The following MYCBP2 variants were observed in gnomAD, a reference collection of about 807,000 sequenced individuals.
MYCBP2 encodes E3 ubiquitin-protein ligase MYCBP2.
A neutral mutation model predicts 525.3 loss-of-function variants in MYCBP2; 120 were observed. The ratio of observed to expected loss-of-function variants is 0.23; its 90% CI spans 0.20 to 0.27. The LOEUF is 0.27. Ranked by LOEUF, MYCBP2 falls within the 10% of genes least tolerant of loss-of-function variation. MYCBP2 has a pLI of 1.00. For missense variants in MYCBP2, 4,149 were observed against 5,657.1 expected (o/e 0.73, Z 8.55); for synonymous variants, 1,894 against 1,955.8 (o/e 0.97, Z 0.83).
At chr13:77,314,311 A>C (rs1445071256) in intron 1 of MYCBP2, among the ~76,000 whole-genome samples, 1 of 152,230 alleles carries the variant, frequency 6.6e-6, no homozygotes, top group Non-Finnish European at 1.5e-5. Flanking sequence ...ACCTGCACAC[A>C]GATGTTTAGA....
intron 47 of MYCBP2, among the ~76,000 whole-genome samples, chr13:77,146,581 T>C (rs374719205): frequency 6.6e-6 from 1 of 151,954 alleles, no homozygotes. Context: ...CCATAACATA[T>C]AGAGAATAAA....
intron 17 of MYCBP2, among the ~76,000 whole-genome samples, chr13:77,233,870 G>A (rs1016318132): frequency 1.6e-4 from 24 of 146,404 alleles, no homozygotes; most frequent in African/African-American, 5.7e-4. Context: ...CAGAGAGAGA[G>A]AGAGAACGAG....
chr13:77,139,812 T>C (rs1026492875), intron 51 of MYCBP2, among the ~76,000 whole-genome samples: 2 of 152,228 alleles, frequency 1.3e-5, no homozygotes, highest in African/African-American at 2.4e-5. Context: ...AGGTTCTGAA[T>C]ACTATGTCGA....
chr13:77,212,078 T>C lies in MYCBP2; in HGVS notation c.3140A>G (p.Tyr1047Cys), dbSNP rs2064092670. Residue 1047 changes from tyrosine (Y) to cysteine (C), a missense_variant, in exon 22 of 83, where the codon TAT (tyrosine) becomes TGT (cysteine). Tyr to Cys is a radical substitution (Grantham distance 194). Coordinates refer to ENST00000544440, the MANE Select transcript of MYCBP2 (RefSeq NM_015057.5). Reference sequence around the variant, plus strand: ...ACCTATCCAAGTAGCTTTTCTTCCATATTTTGATCCAATGTTAGGCATGGG... The same window carrying C: ...ACCTATCCAAGTAGCTTTTCTTCCACATTTTGATCCAATGTTAGGCATGGG... ...PAPMPNIGSK[Y>C]GRKATWIGAS... 4.3e-6 allele frequency: 7 copies of C among 1,614,138 alleles called. No individual in the cohort carries two copies. The highest frequency in any genetic ancestry group is 5.9e-6 in the Non-Finnish European group (7 of 1,179,974).
At chr13:77,264,029 T>C (rs1289564170) in intron 8 of MYCBP2, 27 bp from the exon 9 acceptor site, 3 of 1,589,160 alleles carry the variant, frequency 1.9e-6, no homozygotes, top group Non-Finnish European at 2.6e-6. Context: ...GTATTTATAT[T>C]ACAATACAAG....
At chr13:77,163,174 A>C (rs2058141989) in intron 43 of MYCBP2, among the ~76,000 whole-genome samples, 1 of 152,184 alleles carries the variant, frequency 6.6e-6, no homozygotes, top group South Asian at 2.1e-4. Context: ...TGCTATATTA[A>C]TCCACCCTTC....
At chr13:77,249,337 C>G (rs892368876) in intron 15 of MYCBP2, among the ~76,000 whole-genome samples, 1 of 152,034 alleles carries the variant, frequency 6.6e-6, no homozygotes, top group Non-Finnish European at 1.5e-5. Flanking sequence ...GCTTAATAGT[C>G]CTTAATATTC....
chr13:77,310,785 T>TGC (rs1158149941), intron 1 of MYCBP2, among the ~76,000 whole-genome samples: 1 of 90,164 alleles, frequency 1.1e-5, no homozygotes, highest in Non-Finnish European at 3.1e-5. Flanking sequence ...TGCGTGCGCA[T>TGC]GCACACACAC....
intron 26 of MYCBP2, among the ~76,000 whole-genome samples, chr13:77,196,891 C>T (rs1158551168): frequency 6.6e-6 from 1 of 152,102 alleles, no homozygotes; most frequent in Non-Finnish European, 1.5e-5. Flanking sequence ...GGCTGGACCA[C>T]TATGAGGAAG....
chr13:77,156,821 A>G (rs1445859318), intron 45 of MYCBP2, among the ~76,000 whole-genome samples: 3 of 152,256 alleles, frequency 2.0e-5, no homozygotes, highest in Non-Finnish European at 4.4e-5. Flanking sequence ...AGTAATAAGT[A>G]ATTCTACCAT....
intron 1 of MYCBP2, among the ~76,000 whole-genome samples, chr13:77,320,709 G>A (rs1219250579): frequency 6.6e-6 from 1 of 152,098 alleles, no homozygotes; most frequent in Non-Finnish European, 1.5e-5. Flanking sequence ...ATTAAATAGT[G>A]AGACAACCTC....
rs533946929 is a variant in MYCBP2 at position 77,078,836 on chromosome 13, G to A, written c.11472C>T (p.Cys3824=). Residue 3824 remains cysteine (C), a synonymous_variant, in exon 66 of 83, where the codon TGC becomes TGT. Coordinates refer to ENST00000544440, the MANE Select transcript of MYCBP2 (RefSeq NM_015057.5). Reference sequence around the variant, plus strand: ...AAATTTCAATTACCTGCTTTATTCTGCACAAATCTTCTACTGCTTTGCCAG... The same window carrying A: ...AAATTTCAATTACCTGCTTTATTCTACACAAATCTTCTACTGCTTTGCCAG... ...FLTGKAVEDL[C]RIKQVDLDSR... The A allele has an allele frequency of 2.5e-6, 4 of 1,613,380 alleles. No homozygotes were observed. Among genetic ancestry groups the A allele is most frequent in the Non-Finnish European group, 3.4e-6 (4 of 1,179,512 alleles).
chr13:77,296,520 A>G, intron 2 of MYCBP2, 79 bp downstream of exon 2: 1 of 1,431,866 alleles, frequency 7.0e-7, no homozygotes, highest in South Asian at 1.5e-5. Context: ...TGGTTTAATT[A>G]TATTTTTTAA....
chr13:77,185,987 C>A lies in MYCBP2; in HGVS notation c.4328G>T (p.Gly1443Val). The change falls in exon 31 of 83, where the codon GGA becomes GTA. Residue 1443 changes from glycine to valine, a missense_variant. Coordinates refer to ENST00000544440, the MANE Select transcript of MYCBP2 (RefSeq NM_015057.5). ...AGCTGTGAACTGGAATCCTTTTAAT[C>A]CTCTAAGTTCTTCAACTCCTAAGAC... ...TLVLGVEELR[G>V]LKGFQFTATL... The A allele has an allele frequency of 6.2e-7, 1 of 1,613,720 alleles. No individual in the cohort carries two copies. The highest frequency in any genetic ancestry group is 1.1e-5 in the South Asian group (1 of 91,028).
At chr13:77,174,601 G>T in intron 36 of MYCBP2, 112 bp from the exon 37 acceptor site, 3 of 762,312 alleles carry the variant, frequency 3.9e-6, no homozygotes, top group Non-Finnish European at 6.2e-6. Context: ...CATATTTACA[G>T]ATGATATAAT....
At chr13:77,242,329 T>C (rs2154315671) in intron 17 of MYCBP2, among the ~76,000 whole-genome samples, 1 of 152,316 alleles carries the variant, frequency 6.6e-6, no homozygotes, top group East Asian at 1.9e-4. Flanking sequence ...TTGGCCAGGA[T>C]GGTCTTGATC....
intron 4 of MYCBP2, among the ~76,000 whole-genome samples, 155 bp downstream of exon 4, chr13:77,278,603 A>C (rs912321674): frequency 6.6e-6 from 1 of 152,244 alleles, no homozygotes; most frequent in African/African-American, 2.4e-5. Flanking sequence ...TCATGAATAA[A>C]ATGTGGACTA....
intron 55 of MYCBP2, among the ~76,000 whole-genome samples, chr13:77,102,415 T>C (rs537778163): frequency 8.6e-5 from 13 of 151,718 alleles, no homozygotes; most frequent in Non-Finnish European, 1.9e-4. Flanking sequence ...GAAAAACTTA[T>C]ACAATATGTT....
intron 7 of MYCBP2, among the ~76,000 whole-genome samples, chr13:77,268,651 C>T (rs2074427810): frequency 6.6e-6 from 1 of 151,874 alleles, no homozygotes; most frequent in Non-Finnish European, 1.5e-5. Context: ...TGGTGGTGGG[C>T]ACCTGTAATC....
Sources: gnomAD v4.1 joint callset for allele counts (sites outside exome capture counted in the v4.1 genomes callset) on GRCh38, gnomAD v4.1.1 for gene constraint, MANE v1.5 for transcripts, NCBI Gene and HGNC (gene_info 2026-07-23, HGNC 2026-07-21) for gene names.